Variants in UBR4 observed in about 807,000 individuals in gnomAD.
UBR4 encodes E3 ubiquitin-protein ligase UBR4.
UBR4 carries 124 observed loss-of-function variants against 575.6 expected under a neutral mutation model. That is an observed-to-expected ratio of 0.22 (90% CI 0.19 to 0.25). UBR4 has a LOEUF of 0.25. Ranked by LOEUF, UBR4 falls within the 10% of genes least tolerant of loss-of-function variation. The pLI, the probability that UBR4 is intolerant of heterozygous loss-of-function variation, is 1.00. For synonymous variants in UBR4, 2,455 were observed against 2,473.7 expected, an observed-to-expected ratio of 0.99 and a Z score of 0.22; for missense variants, 4,818 against 6,478.8, an observed-to-expected ratio of 0.74 and a Z score of 8.80.
At position 19,112,856 on chromosome 1, in the gene UBR4, A is replaced by G. The variant is rs1322629619; in HGVS notation, c.11469T>C (p.Ala3823=). 5 of 1,574,830 alleles carry G rather than the reference A, an allele frequency of 3.2e-6. No homozygotes were observed. Among genetic ancestry groups the G allele is most frequent in the Non-Finnish European group, 4.3e-6 (5 of 1,155,892 alleles). The change falls in exon 78 of 106, where the codon GCT becomes GCC. Residue 3823 remains alanine, a synonymous_variant. Coordinates refer to ENST00000375254, the MANE Select transcript of UBR4 (RefSeq NM_020765.3). ...CATATTCCAACAACTCTTTGCGCGAAGCAAAGACTTTCTAAGAACAAAAAG... is the reference window on the plus strand; with the variant it reads ...CATATTCCAACAACTCTTTGCGCGAGGCAAAGACTTTCTAAGAACAAAAAG... ...ELSKIIQKVF[A]SRKELLEYDL...
intron 69 of UBR4, 135 bp from the exon 70 acceptor site, chr1:19,119,836 A>C (rs2080980113): frequency 2.5e-6 from 3 of 1,205,952 alleles, no homozygotes. Context: ...CACTTTTGAC[A>C]ATCAATCCTA....
intron 1 of UBR4, among the ~76,000 whole-genome samples, chr1:19,202,494 C>T (rs1001359602): frequency 2.7e-4 from 41 of 152,126 alleles, no homozygotes; most frequent in African/African-American, 9.4e-4. Flanking sequence ...TAAGGCTGGC[C>T]TGTAATGCAG....
Position 19,088,067 on chromosome 1 carries a change from G to A in UBR4, c.14431-138C>T. 1.6e-6 allele frequency: 1 copy of A among 631,730 alleles called. No homozygotes were observed. The highest frequency in any genetic ancestry group is 2.0e-5 in the South Asian group (1 of 51,098). The allele number at this position is 631,730 out of a possible 1,614,324, so 39.1% of individuals were successfully genotyped here. On this transcript the variant is annotated intron_variant, in intron 98 of 105. Coordinates refer to ENST00000375254, the MANE Select transcript of UBR4 (RefSeq NM_020765.3). This position sits in a 1 kb window ranked among gnomAD's most constrained non-coding sequence, Gnocchi z 4.0. ...TGCATGAGAGGAAAGCCCTTGAGCT[G>A]TCTTCTAATAAGGATAAAGACCCAG...
At position 19,155,808 on chromosome 1, in the gene UBR4, C is replaced by G. The variant is rs2086361514; in HGVS notation, c.6073-140G>C. ...CAGTAAAAAAATGGAGTGTTAGGCA[C>G]TGGTCTTATAAAGATGAACAGAACA... On this transcript the variant is annotated intron_variant, in intron 42 of 105. Transcript: ENST00000375254. The G allele has an allele frequency of 3.2e-5, 22 of 697,866 alleles. No homozygotes were observed. The East Asian group carries it at 6.0e-4, about 19-fold the overall frequency. 43.2% of individuals were successfully genotyped at this position (697,866 alleles called of 1,614,324 possible).
intron 90 of UBR4, 128 bp downstream of exon 90, chr1:19,099,469 G>T: frequency 1.3e-6 from 1 of 764,658 alleles, no homozygotes; most frequent in Non-Finnish European, 2.1e-6. Flanking sequence ...CCCCAAACAG[G>T]GACAGTAAAG....
chr1:19,132,604 G>GAAAAAAA (rs1557716278), intron 60 of UBR4, among the ~76,000 whole-genome samples: 18 of 19,908 alleles, frequency 9.0e-4, no homozygotes, highest in African/African-American at 1.8e-3. Context: ...GTAAAAAATG[G>GAAAAAAA]TAAAAAAAAA....
At chr1:19,197,639 A>G (rs2092542473) in intron 7 of UBR4, 31 bp downstream of exon 7, 1 of 1,610,160 alleles carries the variant, frequency 6.2e-7, no homozygotes, top group African/African-American at 1.3e-5. Flanking sequence ...AAACAAAAAA[A>G]GTAAAGCATG....
In UBR4 at chr1:19,100,604, G is replaced by A; in HGVS notation, c.13024-31C>T. 6.2e-7 allele frequency: 1 copy of A among 1,608,690 alleles called. No individual in the cohort carries two copies. Among genetic ancestry groups the A allele is most frequent in the Non-Finnish European group, 8.5e-7 (1 of 1,175,524 alleles). ...GGACAGACAGAAGGGTGCATCAGAA[G>A]GGATGGCAGAGGTGGAGATTTATAC... On this transcript the variant is annotated intron_variant, in intron 88 of 105. Coordinates refer to ENST00000375254, the MANE Select transcript of UBR4 (RefSeq NM_020765.3). The surrounding 1 kb of genome is among the most constrained non-coding windows in gnomAD (Gnocchi z 4.2).
chr1:19,190,059 G>A (rs2091919215), intron 11 of UBR4, among the ~76,000 whole-genome samples: 1 of 151,752 alleles, frequency 6.6e-6, no homozygotes, highest in Non-Finnish European at 1.5e-5. Context: ...TGCTGAGGCA[G>A]GCAGATCACT....
intron 35 of UBR4, 47 bp from the exon 36 acceptor site, chr1:19,161,944 T>C (rs761264695): frequency 3.1e-6 from 5 of 1,606,164 alleles, no homozygotes; most frequent in Non-Finnish European, 4.3e-6. Context: ...TCCCTGCATA[T>C]AAACACCCAC....
chr1:19,098,235 A>G (rs566031349), intron 90 of UBR4, among the ~76,000 whole-genome samples: 4 of 152,200 alleles, frequency 2.6e-5, no homozygotes, highest in Non-Finnish European at 5.9e-5. Flanking sequence ...GAGAACCACC[A>G]CAGACACTGA....
chr1:19,095,803 G>A (rs1022833858), intron 92 of UBR4, 151 bp from the exon 93 acceptor site: 11 of 632,622 alleles, frequency 1.7e-5, no homozygotes, highest in Non-Finnish European at 2.8e-5. Context: ...GGCTCTTCAG[G>A]GGACATGGTG....
At position 19,150,755 on chromosome 1, in the gene UBR4, C is replaced by T. The variant is rs1229117743; in HGVS notation, c.7252G>A (p.Asp2418Asn). 6.2e-7 allele frequency: 1 copy of T among 1,614,112 alleles called. No homozygotes were observed. Among genetic ancestry groups the T allele is most frequent in the Non-Finnish European group, 8.5e-7 (1 of 1,180,026 alleles). Residue 2418 changes from aspartate (D) to asparagine (N), a missense_variant, in exon 49 of 106, where the codon GAT becomes AAT. This residue lies in a region of UBR4 where 340 missense variants were observed against 375.4 expected (regional missense o/e 0.91). Coordinates refer to ENST00000375254, the MANE Select transcript of UBR4 (RefSeq NM_020765.3). ...SVDPAGVTMI[D>N]AVKIYGKTKE... The stretch of plus-strand genomic sequence containing the variant: ...GTCTTGCCATAAATTTTTACAGCAT[C>T]TATCATGGTGACACCTGCTGGATCC...
At chr1:19,185,549 C>T (rs1970509) in intron 14 of UBR4, among the ~76,000 whole-genome samples, 272 of 151,040 alleles carry the variant, frequency 1.8e-3, no homozygotes, top group African/African-American at 6.4e-3. Flanking sequence ...TAAATTATAC[C>T]CCAATAAAAC....
At chr1:19,205,126 C>G (rs757209812) in intron 1 of UBR4, among the ~76,000 whole-genome samples, 7 of 152,166 alleles carry the variant, frequency 4.6e-5, no homozygotes, top group Non-Finnish European at 1.0e-4. Flanking sequence ...CACCGCTGAG[C>G]GTGAAACACT....
In UBR4 at chr1:19,157,457, T is replaced by C. The variant is rs1400502962; in HGVS notation, c.5760+358A>G. 6.6e-6 allele frequency among the ~76,000 whole-genome samples: 1 copy of C among 152,244 alleles called. No homozygotes were observed. The highest frequency in any genetic ancestry group is 1.5e-5 in the Non-Finnish European group (1 of 68,040). ...ACATAAGCAACACTGAGTGTTCCTATGAAAACTTTTGTCTCTCAGCTTATG... is the reference window on the plus strand; with the variant it reads ...ACATAAGCAACACTGAGTGTTCCTACGAAAACTTTTGTCTCTCAGCTTATG... On this transcript the variant is annotated intron_variant, in intron 40 of 105. Transcript: ENST00000375254. The surrounding 1 kb of genome is among the most constrained non-coding windows in gnomAD (Gnocchi z 4.4).
At chr1:19,146,522 C>T (rs144777632) in intron 52 of UBR4, among the ~76,000 whole-genome samples, 1 of 152,130 alleles carries the variant, frequency 6.6e-6, no homozygotes. Flanking sequence ...CAACCAGGGC[C>T]CAACCAAGCT....
intron 1 of UBR4, among the ~76,000 whole-genome samples, chr1:19,203,326 C>T (rs1309611959): frequency 3.3e-5 from 5 of 151,808 alleles, no homozygotes; most frequent in African/African-American, 1.2e-4. Context: ...TATGGTGAAA[C>T]CCCGTCTCTA....
intron 1 of UBR4, among the ~76,000 whole-genome samples, chr1:19,206,293 T>C (rs182734129): frequency 4.0e-5 from 6 of 151,776 alleles, no homozygotes; most frequent in African/African-American, 1.4e-4. Flanking sequence ...GCTATAATCG[T>C]CCCACTGTAC....
Sources: allele counts gnomAD v4.1 joint callset (sites outside exome capture counted in the v4.1 genomes callset), GRCh38; gene constraint gnomAD v4.1.1; regional missense constraint gnomAD v4.1.1; non-coding constraint Gnocchi (gnomAD v3.1); transcripts MANE v1.5; gene names NCBI Gene and HGNC (gene_info 2026-07-23, HGNC 2026-07-21).